WDFY4: variants seen among roughly 807,000 people sequenced by gnomAD.
The protein encoded by WDFY4 is WD repeat- and FYVE domain-containing protein 4.
Under a neutral mutation model 351.9 loss-of-function variants are expected in WDFY4, and 169 were observed. The ratio of observed to expected loss-of-function variants is 0.48; its 90% confidence interval spans 0.42 to 0.55. The LOEUF (loss-of-function observed/expected upper bound fraction) is 0.55. Ranked by LOEUF, WDFY4 falls within the 20% of genes least tolerant of loss-of-function variation. The pLI, the probability that WDFY4 is intolerant of heterozygous loss-of-function variation, is 0.00. For missense variants in WDFY4, 3,803 were observed against 3,935.6 expected, an observed-to-expected ratio of 0.97 and a Z score of 0.90; for synonymous variants, 1,622 against 1,574.6, an observed-to-expected ratio of 1.03 and a Z score of -0.71.
intron 13 of WDFY4, among the ~76,000 whole-genome samples, chr10:48,760,868 A>G (rs1453240763): frequency 6.6e-6 from 1 of 152,220 alleles, no homozygotes; most frequent in East Asian, 1.9e-4. Context: ...AGCTAGCAAG[A>G]TGAGCATAGA....
chr10:48,912,941 T>G (rs1838139839), intron 47 of WDFY4, among the ~76,000 whole-genome samples: 2 of 152,242 alleles, frequency 1.3e-5, no homozygotes, highest in East Asian at 3.8e-4. Context: ...ATCTACTTTC[T>G]TACAAACTCA....
chr10:48,847,885 TGA>T (rs1564413954), intron 39 of WDFY4, among the ~76,000 whole-genome samples: 2 of 152,188 alleles, frequency 1.3e-5, no homozygotes, highest in African/African-American at 4.8e-5. Context: ...AATTAATATG[TGA>T]GTGAATTTAA....
At chr10:48,723,159 C>G (rs1391157277) in intron 4 of WDFY4, among the ~76,000 whole-genome samples, 1 of 151,128 alleles carries the variant, frequency 6.6e-6, no homozygotes, top group Admixed American at 6.6e-5. Context: ...CCCTCCCTCC[C>G]TCTCTCCCTC....
At chr10:48,771,788 C>T (rs6537576) in intron 13 of WDFY4, among the ~76,000 whole-genome samples, 86,237 of 152,068 alleles carry the variant, frequency 0.57, 25,041 homozygotes, top group East Asian at 0.84. Context: ...CATCTTTAAA[C>T]GCCTAGAGCT....
chr10:48,881,141 G>T (rs542777563), intron 43 of WDFY4, among the ~76,000 whole-genome samples: 2 of 152,342 alleles, frequency 1.3e-5, no homozygotes, highest in African/African-American at 2.4e-5. Flanking sequence ...GCAGCTCTCA[G>T]TCTCTGGCAT....
chr10:48,888,878 TG>T (rs2070576028), intron 43 of WDFY4, among the ~76,000 whole-genome samples: 1 of 152,228 alleles, frequency 6.6e-6, no homozygotes, highest in Non-Finnish European at 1.5e-5. Context: ...ATGATCACTC[TG>T]GTTTTTCTCT....
chr10:48,687,708 AG>A (rs2063089585), intron 1 of WDFY4, among the ~76,000 whole-genome samples: 2 of 141,584 alleles, frequency 1.4e-5, no homozygotes, highest in African/African-American at 5.3e-5. Flanking sequence ...TCCACCTCCC[AG>A]GTTCAAGCAA....
In WDFY4 at chr10:48,725,997, GA is replaced by G; in HGVS notation, c.710del (p.Lys237ArgfsTer8). The G allele has an allele frequency of 1.3e-6, 2 of 1,551,748 alleles. No homozygotes were observed. The highest frequency in any genetic ancestry group is 1.7e-6 in the Non-Finnish European group (2 of 1,146,998). ...TTCGGGAGCACAGCTGCTGCTTCTG[GA>G]AGGAACCCACCTTCTGCGTGCTAAG... ...CLREHSCCFWKEPTFCVLRAI... is the reference protein window; with the variant it reads ...CLREHSCCFWXEPTFCVLRAI... On this transcript the variant is annotated frameshift_variant, in exon 6 of 62. Transcript: ENST00000325239. LOFTEE classifies it high-confidence loss of function.
chr10:48,800,354 G>T (rs1338517511), intron 24 of WDFY4, among the ~76,000 whole-genome samples: 2 of 152,202 alleles, frequency 1.3e-5, no homozygotes, highest in African/African-American at 2.4e-5. Flanking sequence ...GGTGGGATCC[G>T]TGATGACTGG....
intron 4 of WDFY4, among the ~76,000 whole-genome samples, chr10:48,721,914 G>C (rs2064101641): frequency 6.6e-6 from 1 of 152,096 alleles, no homozygotes; most frequent in African/African-American, 2.4e-5. Flanking sequence ...TTCCCTGTAG[G>C]TACCTGTCTC....
chr10:48,978,468 CCAAGGG>C, intron 60 of WDFY4, 75 bp downstream of exon 60: 1 of 1,383,354 alleles, frequency 7.2e-7, no homozygotes, highest in Non-Finnish European at 9.7e-7. Context: ...CCACCTCAGC[CCAAGGG>C]CTGCAGCTCC....
intron 12 of WDFY4, among the ~76,000 whole-genome samples, chr10:48,756,231 T>C (rs1170095179): frequency 2.6e-5 from 4 of 152,182 alleles, no homozygotes; most frequent in Non-Finnish European, 5.9e-5. Flanking sequence ...GTGTAGGGCC[T>C]GCACATGTTT....
intron 36 of WDFY4, among the ~76,000 whole-genome samples, chr10:48,828,212 T>A (rs1330623366): frequency 6.6e-6 from 1 of 152,206 alleles, no homozygotes; most frequent in Non-Finnish European, 1.5e-5. Context: ...AAACCTAATG[T>A]ATAAACCACT....
chr10:48,891,493 A>G (rs1307454705), intron 44 of WDFY4, among the ~76,000 whole-genome samples: 2 of 152,226 alleles, frequency 1.3e-5, no homozygotes, highest in African/African-American at 2.4e-5. Context: ...TCACTTGATC[A>G]TTGTCTTTGA....
chr10:48,923,495 A>G (rs11101568), intron 47 of WDFY4, among the ~76,000 whole-genome samples: 71,647 of 119,052 alleles, frequency 0.6, 23,950 homozygotes, highest in East Asian at 0.99. Context: ...AATAGTTTTT[A>G]GTATATATAT....
chr10:48,709,012 C>G (rs923142898), intron 1 of WDFY4, among the ~76,000 whole-genome samples: 1 of 151,894 alleles, frequency 6.6e-6, no homozygotes, highest in African/African-American at 2.4e-5. Context: ...ACAACACCCC[C>G]CCCCCCCAAA....
At chr10:48,860,231 T>C (rs1296723015) in intron 39 of WDFY4, among the ~76,000 whole-genome samples, 2 of 152,236 alleles carry the variant, frequency 1.3e-5, no homozygotes, top group Admixed American at 6.5e-5. Context: ...TTTCACTTTT[T>C]TCTAGTTCCT....
intron 47 of WDFY4, among the ~76,000 whole-genome samples, chr10:48,934,219 A>G (rs1840210892): frequency 6.6e-6 from 1 of 152,226 alleles, no homozygotes; most frequent in Admixed American, 6.5e-5. Context: ...GTTGTTGATA[A>G]ATGTATGGAG....
intron 21 of WDFY4, among the ~76,000 whole-genome samples, 162 bp downstream of exon 21, chr10:48,788,837 C>T (rs1020962399): frequency 6.6e-6 from 1 of 152,208 alleles, no homozygotes; most frequent in Non-Finnish European, 1.5e-5. Context: ...CTATGCCTCC[C>T]CACCCACTGG....
Sources: gnomAD v4.1 joint callset for allele counts (sites outside exome capture counted in the v4.1 genomes callset) on GRCh38, gnomAD v4.1.1 for gene constraint, MANE v1.5 for transcripts, NCBI Gene and HGNC (gene_info 2026-07-23, HGNC 2026-07-21) for gene names.